The following ADARB2 variants were observed in gnomAD, a reference collection of about 807,000 sequenced individuals.
ADARB2 encodes the protein inactive double-stranded RNA-specific editase B2.
A neutral mutation model predicts 62.2 loss-of-function variants in ADARB2; 25 were observed. The observed-to-expected ratio is 0.40, with a 90% CI of 0.29 to 0.56. The LOEUF is 0.56. ADARB2 is among the 20% of genes least tolerant of loss of function. The probability of loss-of-function intolerance (pLI) is 0.43; values close to 1 mark genes in which losing one functional copy is unlikely to be tolerated. For synonymous variants in ADARB2, 572 were observed against 500.8 expected (o/e 1.14, Z -1.90); for missense variants, 1,071 against 1,077.4 (o/e 0.99, Z 0.08).
intron 1 of ADARB2, among the ~76,000 whole-genome samples, chr10:1,676,839 G>A (rs915901071): frequency 1.3e-5 from 2 of 152,086 alleles, no homozygotes; most frequent in Non-Finnish European, 2.9e-5. Context: ...GGTCACAGGG[G>A]AAGCATGAAG....
intron 1 of ADARB2, among the ~76,000 whole-genome samples, chr10:1,696,021 C>T (rs919316620): frequency 2.6e-5 from 4 of 151,888 alleles, no homozygotes; most frequent in African/African-American, 4.8e-5. Context: ...TGTATGCCTG[C>T]GTGTGTATGT....
chr10:1,451,194 A>G (rs1173309286), intron 1 of ADARB2, among the ~76,000 whole-genome samples: 1 of 151,054 alleles, frequency 6.6e-6, no homozygotes, highest in Admixed American at 6.6e-5. Context: ...TTCTCAGGAG[A>G]CAACTAGGAA....
chr10:1,208,391 G>C (rs1420616963), intron 7 of ADARB2, among the ~76,000 whole-genome samples: 1 of 152,168 alleles, frequency 6.6e-6, no homozygotes, highest in East Asian at 1.9e-4. Context: ...CGGGGTCCCT[G>C]TCCTCCAAGC....
At chr10:1,442,848 G>T (rs1421762619) in intron 1 of ADARB2, among the ~76,000 whole-genome samples, 1 of 152,110 alleles carries the variant, frequency 6.6e-6, no homozygotes, top group Non-Finnish European at 1.5e-5. Flanking sequence ...TGCTCGAGGG[G>T]TATGACCACC....
intron 1 of ADARB2, among the ~76,000 whole-genome samples, chr10:1,494,163 T>G (rs1831658956): frequency 6.6e-6 from 1 of 152,136 alleles, no homozygotes; most frequent in African/African-American, 2.4e-5. Context: ...CAATAGAAAA[T>G]TTAGCAAAAT....
intron 1 of ADARB2, among the ~76,000 whole-genome samples, chr10:1,715,127 C>G (rs1835002433): frequency 6.6e-6 from 1 of 151,484 alleles, no homozygotes; most frequent in Admixed American, 6.6e-5. Flanking sequence ...ATTCTTTTCT[C>G]TCTGTGGTGT....
At chr10:1,407,522 A>C (rs1832717471) in intron 1 of ADARB2, among the ~76,000 whole-genome samples, 1 of 152,126 alleles carries the variant, frequency 6.6e-6, no homozygotes, top group Non-Finnish European at 1.5e-5. Context: ...GGCTTGGGGA[A>C]GTTGACGGTA....
At position 1,438,120 on chromosome 10, in the gene ADARB2, G is replaced by A. The variant is rs1049290402; in HGVS notation, c.101-58960C>T. On this transcript the variant is annotated intron_variant, in intron 1 of 9. Transcript: ENST00000381312. ...CTAGCTCTGGCCTTGGGAGTGAGAC[G>A]CACCTTCCTTCCCCTCAGTGGACAG... is the stretch of plus-strand genomic sequence containing the variant. Among the ~76,000 whole-genome samples, 36 of 152,228 alleles carry A rather than the reference G, an allele frequency of 2.4e-4. 1 individual carries two copies. Among genetic ancestry groups the A allele is most frequent in the Admixed American group, 2.3e-3 (35 of 15,286 alleles).
chr10:1,583,499 C>T (rs536472098), intron 1 of ADARB2, among the ~76,000 whole-genome samples: 6 of 152,148 alleles, frequency 3.9e-5, no homozygotes, highest in Non-Finnish European at 8.8e-5. Flanking sequence ...AAGAACTCAG[C>T]CCACCCCCAA....
chr10:1,273,007 A>G (rs1295406493), intron 3 of ADARB2, among the ~76,000 whole-genome samples: 3 of 152,054 alleles, frequency 2.0e-5, no homozygotes, highest in Non-Finnish European at 2.9e-5. Context: ...CTCCGCCTCT[A>G]TCCCCACGTG....
intron 1 of ADARB2, among the ~76,000 whole-genome samples, chr10:1,690,065 G>A (rs1834649590): frequency 6.6e-6 from 1 of 152,234 alleles, no homozygotes; most frequent in African/African-American, 2.4e-5. Flanking sequence ...AATTGCTATG[G>A]GAAGAAAAGA....
At chr10:1,611,947 CTGTT>C (rs555516690) in intron 1 of ADARB2, among the ~76,000 whole-genome samples, 1 of 152,254 alleles carries the variant, frequency 6.6e-6, no homozygotes, top group South Asian at 2.1e-4. Flanking sequence ...CTGCCCTTGT[CTGTT>C]TCTTTCTGTT....
chr10:1,253,956 G>A (rs1371689910), intron 4 of ADARB2, among the ~76,000 whole-genome samples: 2 of 151,664 alleles, frequency 1.3e-5, no homozygotes, highest in Admixed American at 6.6e-5. Context: ...GTTAGGATAC[G>A]GTGGGTTCTG....
rs138814798 is a variant in ADARB2 at position 1,311,274 on chromosome 10, G to C, written c.1078-40205C>G. 3.5e-3 allele frequency among the ~76,000 whole-genome samples: 533 copies of C among 152,372 alleles called. 3 individuals carry two copies. The highest frequency in any genetic ancestry group is 0.012 in the African/African-American group (504 of 41,594). On this transcript the variant is annotated intron_variant, in intron 3 of 9. Transcript: ENST00000381312. ...TGAGTGCCCACACCAGGCACTTGTG[G>C]TGCTGCTGATGGCATTACTTTTGTT... is the stretch of plus-strand genomic sequence containing the variant.
At chr10:1,226,806 G>A (rs1830751187) in intron 6 of ADARB2, among the ~76,000 whole-genome samples, 1 of 152,174 alleles carries the variant, frequency 6.6e-6, no homozygotes, top group Admixed American at 6.5e-5. Flanking sequence ...TGTGTGAGGT[G>A]TCAGTCTGCC....
At chr10:1,216,928 C>G (rs747906021) in intron 7 of ADARB2, 23 bp downstream of exon 7, 2 of 1,588,672 alleles carry the variant, frequency 1.3e-6, no homozygotes, top group Non-Finnish European at 1.7e-6. Flanking sequence ...CCAACATCCT[C>G]GAGAGGAAGC....
At chr10:1,685,940 A>C (rs775863070) in intron 1 of ADARB2, among the ~76,000 whole-genome samples, 45 of 152,214 alleles carry the variant, frequency 3.0e-4, no homozygotes, top group Non-Finnish European at 5.9e-4. Flanking sequence ...GATGGGCTGC[A>C]ATGTGGACTC....
intron 1 of ADARB2, among the ~76,000 whole-genome samples, chr10:1,418,417 G>A (rs535103061): frequency 2.0e-5 from 3 of 152,306 alleles, no homozygotes; most frequent in South Asian, 2.1e-4. Context: ...CTGCCGAGAC[G>A]CCACGGGGGA....
rs530019382 is a variant in ADARB2 at position 1,221,358 on chromosome 10, G to C, written c.1514-4239C>G. ...CCTAGATAAAACCCTTGTCTTTTGA[G>C]GTCAATATCAAGGTAAATAAGGATA... On this transcript the variant is annotated intron_variant, in intron 6 of 9. Transcript: ENST00000381312. Among the ~76,000 whole-genome samples, 274 of 151,450 alleles carry C rather than the reference G, an allele frequency of 1.8e-3. 3 individuals are homozygous for C. In the Middle Eastern group the frequency reaches 0.027, roughly 15 times the overall value.
Sources: allele counts gnomAD v4.1 joint callset (sites outside exome capture counted in the v4.1 genomes callset), GRCh38; gene constraint gnomAD v4.1.1; transcripts MANE v1.5; gene names NCBI Gene and HGNC (gene_info 2026-07-23, HGNC 2026-07-21).